The following FOXP2 variants were observed in gnomAD, a reference collection of about 807,000 sequenced individuals.
FOXP2 encodes forkhead box P2, also known as forkhead box protein P2.
In FOXP2, 12 loss-of-function variants were observed where a neutral mutation model predicts 115.8. That is an observed-to-expected ratio of 0.10 (90% CI 0.07 to 0.17). The LOEUF is 0.17. Ranked by LOEUF, FOXP2 falls within the 10% of genes least tolerant of loss-of-function variation. The pLI is 1.00. For synonymous variants in FOXP2, 328 were observed against 297.7 expected, an observed-to-expected ratio of 1.10 and a Z score of -1.05; for missense variants, 629 against 843.5, an observed-to-expected ratio of 0.75 and a Z score of 3.15.
intron 2 of FOXP2, among the ~76,000 whole-genome samples, chr7:114,373,357 T>C (rs1370861850): frequency 6.6e-6 from 1 of 152,150 alleles, no homozygotes; most frequent in Non-Finnish European, 1.5e-5. Flanking sequence ...AAATCTGAGC[T>C]ACAGAGCAGC....
At chr7:114,433,276 T>G (rs1794193569) in intron 2 of FOXP2, among the ~76,000 whole-genome samples, 1 of 151,988 alleles carries the variant, frequency 6.6e-6, no homozygotes, top group African/African-American at 2.4e-5. Context: ...GTTTACATTG[T>G]TCTGGTGTTC....
chr7:114,614,513 A>G (rs1466669188), intron 3 of FOXP2, among the ~76,000 whole-genome samples: 1 of 152,106 alleles, frequency 6.6e-6, no homozygotes, highest in African/African-American at 2.4e-5. Flanking sequence ...TAACATAGTT[A>G]AATTATTGGT....
chr7:114,480,519 T>A (rs539816721), intron 2 of FOXP2, among the ~76,000 whole-genome samples: 4 of 150,484 alleles, frequency 2.7e-5, no homozygotes, highest in Non-Finnish European at 4.5e-5. Flanking sequence ...GAATTTGATT[T>A]TATATATATA....
chr7:114,576,122 T>G (rs1054969324), intron 3 of FOXP2, among the ~76,000 whole-genome samples: 1 of 151,942 alleles, frequency 6.6e-6, no homozygotes, highest in Non-Finnish European at 1.5e-5. Flanking sequence ...GTTTTGTTAA[T>G]TCCATAAAGA....
At chr7:114,561,102 T>C (rs1800737256) in intron 3 of FOXP2, 1 of 152,220 alleles carries the variant, frequency 6.6e-6, no homozygotes, top group Non-Finnish European at 1.5e-5. Flanking sequence ...TTAATTGGCC[T>C]AACTTGTATC....
chr7:114,244,661 TC>T (rs1297874692), intron 1 of FOXP2, among the ~76,000 whole-genome samples: 1 of 152,238 alleles, frequency 6.6e-6, no homozygotes, highest in Admixed American at 6.5e-5. Context: ...TTTTATTTAT[TC>T]TTATAAAGTT....
At chr7:114,263,887 A>G (rs1306333720) in intron 1 of FOXP2, among the ~76,000 whole-genome samples, 1 of 151,856 alleles carries the variant, frequency 6.6e-6, no homozygotes, top group Admixed American at 6.6e-5. Flanking sequence ...TCCTAAATGA[A>G]TCCTTCTAAA....
intron 2 of FOXP2, among the ~76,000 whole-genome samples, chr7:114,510,030 A>G (rs1797998440): frequency 6.6e-6 from 1 of 152,160 alleles, no homozygotes. Context: ...GAAAAAGGAA[A>G]TGTAGATGAG....
chr7:114,689,659 CT>C, intron 16 of FOXP2, 122 bp from the exon 17 acceptor site: 1 of 951,910 alleles, frequency 1.1e-6, no homozygotes, highest in Non-Finnish European at 1.6e-6. Context: ...ATCAGATGCC[CT>C]TTTAAGAAAG....
At chr7:114,636,084 A>T (rs1419327011) in intron 6 of FOXP2, among the ~76,000 whole-genome samples, 1 of 152,180 alleles carries the variant, frequency 6.6e-6, no homozygotes, top group African/African-American at 2.4e-5. Context: ...TAGGCATTGT[A>T]TCTGTAGGTG....
In FOXP2 at chr7:114,692,002, C is replaced by T. The variant is rs907822322; in HGVS notation, c.*2076C>T. 2 of 447,782 alleles carry T rather than the reference C, an allele frequency of 4.5e-6. No homozygotes were observed. The highest frequency in any genetic ancestry group is 1.6e-5 in the South Asian group (1 of 63,232). 27.7% of individuals were successfully genotyped at this position (447,782 alleles called of 1,614,324 possible). ...TGGCAGATTGCATGAAACGTGAGAA[C>T]GTCACAGTAACTGCTACTTTTCATT... is the stretch of plus-strand genomic sequence containing the variant. On this transcript the variant is annotated 3_prime_UTR_variant, in exon 17 of 17. Transcript: ENST00000350908.
chr7:114,291,045 T>C (rs1796576500), intron 2 of FOXP2, among the ~76,000 whole-genome samples: 1 of 152,140 alleles, frequency 6.6e-6, no homozygotes, highest in Admixed American at 6.6e-5. Flanking sequence ...TTACAAGAAA[T>C]GCTAAATATG....
intron 1 of FOXP2, among the ~76,000 whole-genome samples, chr7:114,106,673 C>T (rs1791126549): frequency 6.6e-6 from 1 of 151,850 alleles, no homozygotes; most frequent in African/African-American, 2.4e-5. Flanking sequence ...TTTATCTGAA[C>T]CTGTATAACC....
intron 3 of FOXP2, among the ~76,000 whole-genome samples, chr7:114,625,010 T>C (rs2129325182): frequency 6.6e-6 from 1 of 151,788 alleles, no homozygotes. Flanking sequence ...CCTATCTTTA[T>C]ATTCAGTTAA....
At chr7:114,488,871 G>A (rs571677895) in intron 2 of FOXP2, among the ~76,000 whole-genome samples, 7 of 151,986 alleles carry the variant, frequency 4.6e-5, no homozygotes, top group Non-Finnish European at 5.9e-5. Flanking sequence ...TGGGAGGCTC[G>A]ACATATTTCC....
chr7:114,312,218 G>C (rs1375161391), intron 2 of FOXP2, among the ~76,000 whole-genome samples: 1 of 152,142 alleles, frequency 6.6e-6, no homozygotes, highest in African/African-American at 2.4e-5. Context: ...AGTAGCCATA[G>C]TCACATTGCC....
At chr7:114,170,760 A>G (rs1470293325) in intron 1 of FOXP2, among the ~76,000 whole-genome samples, 1 of 152,224 alleles carries the variant, frequency 6.6e-6, no homozygotes. Context: ...AAGATGCAAG[A>G]AAAATGTTTG....
At chr7:114,683,151 A>C (rs2129351101) in intron 16 of FOXP2, among the ~76,000 whole-genome samples, 1 of 152,334 alleles carries the variant, frequency 6.6e-6, no homozygotes, top group African/African-American at 2.4e-5. Flanking sequence ...TATTCCAAGC[A>C]TACTTAATTT....
chr7:114,497,473 A>T (rs1180803704), intron 2 of FOXP2, among the ~76,000 whole-genome samples: 1 of 151,860 alleles, frequency 6.6e-6, no homozygotes, highest in Non-Finnish European at 1.5e-5. Context: ...CATGGCAAAA[A>T]CCCATTTCTA....
Sources: allele counts gnomAD v4.1 joint callset (sites outside exome capture counted in the v4.1 genomes callset), GRCh38; gene constraint gnomAD v4.1.1; transcripts MANE v1.5; gene names NCBI Gene and HGNC (gene_info 2026-07-23, HGNC 2026-07-21).